The following ZDHHC14 variants were observed in gnomAD, a reference collection of about 807,000 sequenced individuals.
ZDHHC14 encodes the protein zDHHC palmitoyltransferase 14.
In ZDHHC14, 16 loss-of-function variants were observed where a neutral mutation model predicts 47.7. The observed-to-expected ratio is 0.34, with a 90% CI of 0.23 to 0.51. The LOEUF (loss-of-function observed/expected upper bound fraction) is 0.51, where lower values mean the gene tolerates loss of function less well. Among genes scored for constraint, ZDHHC14 ranks in the 20% least tolerant of loss-of-function variants. The probability of loss-of-function intolerance (pLI) is 0.97; values close to 1 mark genes in which losing one functional copy is unlikely to be tolerated. For missense variants in ZDHHC14, 515 were observed against 662.5 expected (o/e 0.78, Z 2.44); for synonymous variants, 293 against 278.9 (o/e 1.05, Z -0.50).
intron 1 of ZDHHC14, among the ~76,000 whole-genome samples, chr6:157,453,389 C>A (rs944009770): frequency 6.6e-6 from 1 of 152,222 alleles, no homozygotes; most frequent in African/African-American, 2.4e-5. Flanking sequence ...TTCCCATGAA[C>A]TGTTAACTTT....
At chr6:157,433,797 T>C (rs1188631288) in intron 1 of ZDHHC14, among the ~76,000 whole-genome samples, 1 of 152,224 alleles carries the variant, frequency 6.6e-6, no homozygotes, top group Admixed American at 6.5e-5. Flanking sequence ...ATGGAGACTT[T>C]ATCAAACAGT....
intron 1 of ZDHHC14, among the ~76,000 whole-genome samples, chr6:157,423,504 T>G (rs1310184952): frequency 6.6e-6 from 1 of 152,168 alleles, no homozygotes. Context: ...TAAATAAAGT[T>G]CCCCTTTTAT....
intron 1 of ZDHHC14, among the ~76,000 whole-genome samples, chr6:157,538,920 G>C (rs1185139215): frequency 1.3e-5 from 2 of 152,140 alleles, no homozygotes; most frequent in Non-Finnish European, 2.9e-5. Flanking sequence ...GCCATTGCTG[G>C]GATTCAGGAG....
chr6:157,600,072 G>A (rs1784280939), intron 3 of ZDHHC14, among the ~76,000 whole-genome samples: 1 of 152,216 alleles, frequency 6.6e-6, no homozygotes, highest in Non-Finnish European at 1.5e-5. Context: ...GCTGGGCCCA[G>A]ACAGCTTACT....
chr6:157,452,105 C>T (rs573258958), intron 1 of ZDHHC14, among the ~76,000 whole-genome samples: 2 of 152,228 alleles, frequency 1.3e-5, no homozygotes, highest in South Asian at 2.1e-4. Context: ...GTTCTGAGGC[C>T]GAAGTGATGG....
chr6:157,583,657 A>G (rs796508126), intron 2 of ZDHHC14, among the ~76,000 whole-genome samples: 14 of 152,084 alleles, frequency 9.2e-5, no homozygotes, highest in African/African-American at 2.9e-4. Context: ...GTTTCCACAC[A>G]TTTTCAGCTG....
At chr6:157,614,860 T>A (rs1784903399) in intron 3 of ZDHHC14, among the ~76,000 whole-genome samples, 1 of 151,992 alleles carries the variant, frequency 6.6e-6, no homozygotes, top group South Asian at 2.1e-4. Context: ...AACCTCTGCT[T>A]CCCAGGTTCA....
chr6:157,419,722 T>A (rs1036910277), intron 1 of ZDHHC14, among the ~76,000 whole-genome samples: 5 of 152,250 alleles, frequency 3.3e-5, no homozygotes, highest in Non-Finnish European at 5.9e-5. Context: ...AAGGACATCT[T>A]GGTTGCTTAC....
chr6:157,393,186 G>A (rs1039477560), intron 1 of ZDHHC14, among the ~76,000 whole-genome samples: 1 of 152,128 alleles, frequency 6.6e-6, no homozygotes, highest in Non-Finnish European at 1.5e-5. Flanking sequence ...GCCTATTTTA[G>A]AACAACTTAA....
At chr6:157,518,369 T>A (rs1008321347) in intron 1 of ZDHHC14, among the ~76,000 whole-genome samples, 1 of 107,760 alleles carries the variant, frequency 9.3e-6, no homozygotes, top group Non-Finnish European at 1.7e-5. Context: ...GTCATTGAGC[T>A]CTCCAGGGGC....
At chr6:157,543,227 T>C (rs896681500) in intron 2 of ZDHHC14, among the ~76,000 whole-genome samples, 1 of 152,236 alleles carries the variant, frequency 6.6e-6, no homozygotes, top group Non-Finnish European at 1.5e-5. Flanking sequence ...GTATCTGTGA[T>C]ATGTATTGAG....
In ZDHHC14 at chr6:157,382,057, C is replaced by G; in HGVS notation, c.36C>G (p.Cys12Trp). ...PPGGGGPMKD[C>W]EYSQISTHSS... ...GCGGCGGCGGGCCCATGAAAGACTG[C>G]GAGTACAGCCAGATCAGCACCCACA... Residue 12 changes from cysteine (C) to tryptophan (W), a missense_variant, in exon 1 of 9, where the codon TGC (cysteine) becomes TGG (tryptophan). By Grantham distance (215) the Cys-to-Trp change is radical. Around this residue, in one of 4 missense-constraint regions of ZDHHC14, gnomAD observed 59 missense variants for 57.7 expected, o/e 1.02. Coordinates refer to ENST00000359775, the MANE Select transcript of ZDHHC14 (RefSeq NM_024630.3). The G allele has an allele frequency of 2.5e-6, 4 of 1,584,654 alleles. No homozygotes were observed. Among genetic ancestry groups the G allele is most frequent in the Non-Finnish European group, 3.4e-6 (4 of 1,167,662 alleles).
chr6:157,589,409 G>C (rs866114409), intron 2 of ZDHHC14, among the ~76,000 whole-genome samples: 2 of 152,246 alleles, frequency 1.3e-5, no homozygotes, highest in Middle Eastern at 6.8e-3. Context: ...GCTTGATATG[G>C]TTTGGCTGTG....
chr6:157,672,752 C>T lies in ZDHHC14; in HGVS notation c.1097C>T (p.Thr366Ile). ...MCDQDQCIQSTKFVLQAAATP... is the reference protein window; with the variant it reads ...MCDQDQCIQSIKFVLQAAATP... ...GACCAAGACCAGTGCATTCAGAGCA[C>T]CAAATTCGTTTTGCAGGCTGCAGCC... The change falls in exon 9 of 9, where the codon ACC (threonine) becomes ATC (isoleucine). Residue 366 changes from threonine to isoleucine, a missense_variant. Transcript: ENST00000359775. The T allele has an allele frequency of 6.2e-7, 1 of 1,612,674 alleles. No homozygotes were observed. Among genetic ancestry groups the T allele is most frequent in the Non-Finnish European group, 8.5e-7 (1 of 1,179,862 alleles).
At chr6:157,644,656 T>C (rs181899097) in intron 5 of ZDHHC14, among the ~76,000 whole-genome samples, 1 of 152,326 alleles carries the variant, frequency 6.6e-6, no homozygotes, top group East Asian at 1.9e-4. Flanking sequence ...ATGAATTATC[T>C]CCAGCCTGGA....
In ZDHHC14 at chr6:157,615,812, GT is replaced by G. The variant is rs1366543902; in HGVS notation, c.566-12533del. Among the ~76,000 whole-genome samples the G allele has an allele frequency of 1.1e-4, 16 of 152,162 alleles. No individual in the cohort carries two copies. In the East Asian group the frequency reaches 2.5e-3, roughly 24 times the overall value. On this transcript the variant is annotated intron_variant, in intron 3 of 8. Transcript: ENST00000359775. The stretch of plus-strand genomic sequence containing the variant: ...TTTTTGTTTTGTTTTGTTTTGTTTT[GT>G]TTTGGTTGTTATAAGCAGTGATCCA...
intron 2 of ZDHHC14, chr6:157,592,662 G>A (rs1379175560): frequency 4.5e-6 from 4 of 897,004 alleles, no homozygotes; most frequent in South Asian, 4.1e-5. Context: ...GATGGCCTGG[G>A]GCCTCTCCTG....
intron 5 of ZDHHC14, among the ~76,000 whole-genome samples, chr6:157,642,920 G>A (rs142380079): frequency 1.3e-3 from 197 of 152,346 alleles, no homozygotes; most frequent in African/African-American, 4.4e-3. Context: ...GGAGAAGCAG[G>A]GGGTTGGGGT....
intron 5 of ZDHHC14, among the ~76,000 whole-genome samples, chr6:157,643,650 A>AATTATAT (rs1554277300): frequency 2.8e-5 from 2 of 72,522 alleles, no homozygotes; most frequent in Non-Finnish European, 6.0e-5. Context: ...CTTCATCTCA[A>AATTATAT]ATATATATAT....
Sources: gnomAD v4.1 joint callset for allele counts (sites outside exome capture counted in the v4.1 genomes callset) on GRCh38, gnomAD v4.1.1 for gene constraint, gnomAD v4.1.1 regional missense constraint, MANE v1.5 for transcripts, NCBI Gene and HGNC (gene_info 2026-07-23, HGNC 2026-07-21) for gene names.